BCAS3: variants seen among roughly 807,000 people sequenced by gnomAD.
BCAS3 encodes the protein BCAS4/BCAS3 fusion.
A neutral mutation model predicts 116.1 loss-of-function variants in BCAS3; 53 were observed. The observed-to-expected ratio is 0.46, with a 90% CI of 0.37 to 0.57. The LOEUF (loss-of-function observed/expected upper bound fraction) is 0.57, where lower values mean the gene tolerates loss of function less well. Among genes scored for constraint, BCAS3 ranks in the 20% least tolerant of loss-of-function variants. BCAS3 has a pLI of 0.00. For missense variants in BCAS3, 917 were observed against 1,165.4 expected (o/e 0.79, Z 3.10); for synonymous variants, 391 against 408.2 (o/e 0.96, Z 0.51).
At chr17:60,941,337 A>G (rs1021890817) in intron 13 of BCAS3, among the ~76,000 whole-genome samples, 1 of 152,124 alleles carries the variant, frequency 6.6e-6, no homozygotes, top group Non-Finnish European at 1.5e-5. Flanking sequence ...TAGTCTTCTG[A>G]TGCAGCATAA....
chr17:60,715,289 A>T (rs193073806), intron 5 of BCAS3, among the ~76,000 whole-genome samples: 1 of 150,710 alleles, frequency 6.6e-6, no homozygotes, highest in Non-Finnish European at 1.5e-5. Context: ...GTGCGCCACC[A>T]CACTCGGCTA....
chr17:60,923,293 G>A (rs1439338244), intron 12 of BCAS3, among the ~76,000 whole-genome samples: 1 of 152,140 alleles, frequency 6.6e-6, no homozygotes, highest in African/African-American at 2.4e-5. Context: ...TAGCATGATT[G>A]ACCTGCACAG....
chr17:61,174,167 A>C (rs954680327), intron 22 of BCAS3, among the ~76,000 whole-genome samples: 2 of 152,220 alleles, frequency 1.3e-5, no homozygotes, highest in Non-Finnish European at 2.9e-5. Flanking sequence ...AGAACACTTG[A>C]AATTTACTTT....
intron 22 of BCAS3, among the ~76,000 whole-genome samples, chr17:61,255,797 C>G (rs2048730734): frequency 6.6e-6 from 1 of 152,202 alleles, no homozygotes; most frequent in Non-Finnish European, 1.5e-5. Flanking sequence ...TTTCTTTTCC[C>G]TAAGTTATTT....
intron 22 of BCAS3, among the ~76,000 whole-genome samples, chr17:61,210,905 T>TA (rs1386576294): frequency 1.3e-5 from 2 of 152,112 alleles, no homozygotes; most frequent in African/African-American, 4.8e-5. Context: ...AAGGCATGTA[T>TA]AAACCTCATT....
chr17:61,371,322 T>C (rs2059029643), intron 23 of BCAS3, among the ~76,000 whole-genome samples: 1 of 152,170 alleles, frequency 6.6e-6, no homozygotes, highest in Non-Finnish European at 1.5e-5. Flanking sequence ...GTTCTGGAGA[T>C]GTAACAGTCT....
At chr17:60,757,653 G>T (rs962154507) in intron 6 of BCAS3, among the ~76,000 whole-genome samples, 1 of 152,104 alleles carries the variant, frequency 6.6e-6, no homozygotes, top group South Asian at 2.1e-4. Flanking sequence ...GTATACTCTG[G>T]ATATTAGTCC....
At chr17:60,718,522 C>T (rs1186659616) in intron 5 of BCAS3, among the ~76,000 whole-genome samples, 1 of 152,128 alleles carries the variant, frequency 6.6e-6, no homozygotes, top group Non-Finnish European at 1.5e-5. Context: ...GCAGCCTCTA[C>T]CTCATGGGTT....
intron 7 of BCAS3, among the ~76,000 whole-genome samples, chr17:60,834,817 T>C (rs981042176): frequency 1.3e-5 from 2 of 151,978 alleles, no homozygotes; most frequent in Non-Finnish European, 2.9e-5. Flanking sequence ...GTTATATTGC[T>C]TTTAGGGAAA....
At chr17:60,825,881 G>A (rs1003194869) in intron 7 of BCAS3, among the ~76,000 whole-genome samples, 6 of 137,206 alleles carry the variant, frequency 4.4e-5, no homozygotes, top group East Asian at 2.1e-4. Context: ...TTTTTGAGAC[G>A]AAGTCTCGCA....
At chr17:61,085,464 T>C (rs1205405162) in intron 22 of BCAS3, among the ~76,000 whole-genome samples, 1 of 152,212 alleles carries the variant, frequency 6.6e-6, no homozygotes, top group Admixed American at 6.5e-5. Context: ...AAAACTGATT[T>C]GTGAAGGTCA....
rs576107797 is a variant in BCAS3, at chr17:60,743,762, T to A, written c.322-3436T>A. Among the ~76,000 whole-genome samples, 4 of 152,364 alleles carry A rather than the reference T, an allele frequency of 2.6e-5. No individual in the cohort carries two copies. The South Asian group carries it at 8.3e-4, about 32-fold the overall frequency. ...TTTCAGAATTCTCTAAAAGCACTTC[T>A]ACAGCTCTCCCAGAACTTGTGTAGC... On this transcript the variant is annotated intron_variant, in intron 5 of 23. Transcript: ENST00000407086.
At chr17:61,027,758 C>G (rs2066361598) in intron 16 of BCAS3, among the ~76,000 whole-genome samples, 1 of 151,686 alleles carries the variant, frequency 6.6e-6, no homozygotes, top group Non-Finnish European at 1.5e-5. Context: ...TTAAATGTAC[C>G]TATGTAATGG....
rs543922865 is a variant in BCAS3, at chr17:60,872,395, TACAC to T, written c.585-2261_585-2258del. On this transcript the variant is annotated intron_variant, in intron 8 of 23. Coordinates refer to ENST00000407086, the MANE Select transcript of BCAS3 (RefSeq NM_017679.5). ...ATATATCTGTATGTATATACACACA[TACAC>T]ACACATACCCCATATATATCTGTAT... Among the ~76,000 whole-genome samples, 524 of 151,022 alleles carry T rather than the reference TACAC, an allele frequency of 3.5e-3. 10 individuals are homozygous for T. The South Asian group carries it at 0.044, about 13-fold the overall frequency.
At chr17:61,085,772 A>G (rs1168999060) in intron 22 of BCAS3, among the ~76,000 whole-genome samples, 1 of 152,192 alleles carries the variant, frequency 6.6e-6, no homozygotes, top group Non-Finnish European at 1.5e-5. Context: ...AGATATCGAG[A>G]TAGGGAACTT....
In BCAS3 at chr17:61,365,295, CT is replaced by C. The variant is rs2058667296; in HGVS notation, c.2426-3030del. Among the ~76,000 whole-genome samples, 1 of 152,138 alleles carries C rather than the reference CT, an allele frequency of 6.6e-6. No individual in the cohort carries two copies. The highest frequency in any genetic ancestry group is 1.5e-5 in the Non-Finnish European group (1 of 68,020). ...ATCTCTTATGGACTGGGCCCAACATCTTACCCTAACCTTTCTTGCTATAACA... is the reference window on the plus strand; with the variant it reads ...ATCTCTTATGGACTGGGCCCAACATCTACCCTAACCTTTCTTGCTATAACA... On this transcript the variant is annotated intron_variant, in intron 22 of 23. Transcript: ENST00000407086. This position sits in a 1 kb window ranked among gnomAD's most constrained non-coding sequence, Gnocchi z 4.6.
chr17:60,911,763 A>G (rs758866775), intron 12 of BCAS3, among the ~76,000 whole-genome samples: 2 of 152,216 alleles, frequency 1.3e-5, no homozygotes, highest in Non-Finnish European at 2.9e-5. Flanking sequence ...AGGCAGGACC[A>G]TACCTATTTG....
In BCAS3 at chr17:61,361,220, C is replaced by T. The variant is rs548035599; in HGVS notation, c.2426-7107C>T. On this transcript the variant is annotated intron_variant, in intron 22 of 23. Transcript: ENST00000407086. The surrounding 1 kb of genome is among the most constrained non-coding windows in gnomAD (Gnocchi z 6.5). ...AAAAAAAAAAAAGAAAAGACCCAGA[C>T]GGAGTAGCAACTTGCCCAGAGTAAC... Among the ~76,000 whole-genome samples, 7 of 151,370 alleles carry T rather than the reference C, an allele frequency of 4.6e-5. No homozygotes were observed. The highest frequency in any genetic ancestry group is 2.1e-4 in the South Asian group (1 of 4,794).
chr17:61,078,315 A>T lies in BCAS3; in HGVS notation c.2131-18A>T, dbSNP rs900816731. On this transcript the variant is annotated intron_variant, in intron 20 of 23. Coordinates refer to ENST00000407086, the MANE Select transcript of BCAS3 (RefSeq NM_017679.5). Reference sequence around the variant, plus strand: ...AGGATCACAAACCATTTAAATCATCATTGCTACTCCATTCCAGGTTGAAAT... The same window carrying T: ...AGGATCACAAACCATTTAAATCATCTTTGCTACTCCATTCCAGGTTGAAAT... 1.9e-6 allele frequency: 3 copies of T among 1,594,570 alleles called. No homozygotes were observed. In the African/African-American group the frequency reaches 4.0e-5, roughly 21 times the overall value.
Sources: allele counts gnomAD v4.1 joint callset (sites outside exome capture counted in the v4.1 genomes callset), GRCh38; gene constraint gnomAD v4.1.1; non-coding constraint Gnocchi (gnomAD v3.1); transcripts MANE v1.5; gene names NCBI Gene and HGNC (gene_info 2026-07-23, HGNC 2026-07-21).